HEATR5A: variants seen among roughly 807,000 people sequenced by gnomAD.
The protein encoded by HEATR5A is HEAT repeat containing 5A, also known as HEAT repeat-containing protein 5A.
In HEATR5A, 178 loss-of-function variants were observed where a neutral mutation model predicts 218.8. That is an observed-to-expected ratio of 0.81 (90% CI 0.72 to 0.92). The LOEUF is 0.92. Ranked by LOEUF, HEATR5A falls within the 40% of genes least tolerant of loss-of-function variation. The pLI is 0.00. For missense variants in HEATR5A, 2,420 were observed against 2,418.9 expected, an observed-to-expected ratio of 1.00 and a Z score of -0.01; for synonymous variants, 864 against 871.6, an observed-to-expected ratio of 0.99 and a Z score of 0.15.
rs749302644 is a variant in HEATR5A at position 31,344,068 on chromosome 14, A to G, written c.3059-3T>C. ...GGTAGAAATTGAAGTACTGTTACCT[A>G]AAATAAAAAGCAGAAAGCTTTTAAT... On this transcript the variant is annotated splice_region_variant and splice_polypyrimidine_tract_variant and intron_variant, in intron 20 of 35. Coordinates refer to ENST00000543095, the MANE Select transcript of HEATR5A (RefSeq NM_015473.4). 1.6e-5 allele frequency: 24 copies of G among 1,490,082 alleles called. No homozygotes were observed. The highest frequency in any genetic ancestry group is 2.2e-5 in the Non-Finnish European group (24 of 1,114,236). 92.3% of individuals were successfully genotyped at this position (1,490,082 alleles called of 1,614,324 possible).
intron 19 of HEATR5A, among the ~76,000 whole-genome samples, chr14:31,346,673 A>C (rs1042817166): frequency 2.6e-5 from 4 of 152,246 alleles, no homozygotes; most frequent in African/African-American, 9.6e-5. Context: ...AGAAGCAATA[A>C]GCACTTTGTC....
At chr14:31,311,832 C>T (rs180878280) in intron 28 of HEATR5A, among the ~76,000 whole-genome samples, 35 of 152,252 alleles carry the variant, frequency 2.3e-4, no homozygotes, top group African/African-American at 7.9e-4. Flanking sequence ...ATCAAGATCG[C>T]AAGTGCACAC....
intron 21 of HEATR5A, among the ~76,000 whole-genome samples, chr14:31,341,268 T>A (rs1900830123): frequency 1.3e-5 from 2 of 152,204 alleles, no homozygotes; most frequent in African/African-American, 4.8e-5. Flanking sequence ...AAAAGTCTGA[T>A]AATATAATAA....
chr14:31,381,154 A>C (rs1342371438), intron 10 of HEATR5A, among the ~76,000 whole-genome samples: 1 of 152,182 alleles, frequency 6.6e-6, no homozygotes, highest in Non-Finnish European at 1.5e-5. Context: ...AGGCTGAGGC[A>C]GAAGAATCGC....
intron 32 of HEATR5A, among the ~76,000 whole-genome samples, chr14:31,304,467 G>C (rs554722665): frequency 1.3e-5 from 2 of 151,996 alleles, no homozygotes; most frequent in Non-Finnish European, 2.9e-5. Flanking sequence ...GCCCAGGCTG[G>C]AGTGCAATGG....
intron 22 of HEATR5A, among the ~76,000 whole-genome samples, chr14:31,332,985 C>CA (rs34966796): frequency 2.1e-3 from 276 of 128,428 alleles, no homozygotes; most frequent in Middle Eastern, 8.0e-3. Context: ...GACTCCATCT[C>CA]AAAAAAAAAA....
intron 1 of HEATR5A, among the ~76,000 whole-genome samples, chr14:31,406,693 C>A (rs975657158): frequency 6.6e-6 from 1 of 152,180 alleles, no homozygotes; most frequent in Non-Finnish European, 1.5e-5. Context: ...CCCAGTGGCT[C>A]ACGCTCATAA....
intron 8 of HEATR5A, 71 bp downstream of exon 8, chr14:31,387,049 T>C: frequency 2.1e-6 from 3 of 1,441,166 alleles, no homozygotes; most frequent in Non-Finnish European, 2.9e-6. Flanking sequence ...GTATTATATA[T>C]CAGTCTAGCT....
intron 14 of HEATR5A, among the ~76,000 whole-genome samples, chr14:31,361,811 C>T (rs937157332): frequency 6.6e-6 from 1 of 152,138 alleles, no homozygotes; most frequent in African/African-American, 2.4e-5. Flanking sequence ...TCTAAATCTA[C>T]ATCTGCTGGA....
chr14:31,385,935 C>T (rs2030201678), intron 9 of HEATR5A, among the ~76,000 whole-genome samples: 1 of 152,064 alleles, frequency 6.6e-6, no homozygotes, highest in Admixed American at 6.6e-5. Flanking sequence ...GCCATGTTGG[C>T]CAGGCTGGTC....
intron 16 of HEATR5A, among the ~76,000 whole-genome samples, chr14:31,357,434 G>A (rs1332815029): frequency 1.3e-5 from 2 of 152,188 alleles, no homozygotes; most frequent in South Asian, 2.1e-4. Flanking sequence ...GTTGTTGGTC[G>A]AGAGAGAGGA....
At chr14:31,322,471 C>A (rs1020785670) in intron 24 of HEATR5A, among the ~76,000 whole-genome samples, 5 of 152,144 alleles carry the variant, frequency 3.3e-5, no homozygotes, top group African/African-American at 1.2e-4. Flanking sequence ...GCAACAGCAA[C>A]ATTTTGCTTT....
chr14:31,318,373 ATTAT>A (rs149793070), intron 25 of HEATR5A, 81 bp from the exon 26 acceptor site: 173,866 of 1,109,898 alleles, frequency 0.16, 16,842 homozygotes, highest in East Asian at 0.32. Flanking sequence ...TTATTTTAAA[ATTAT>A]TTATTTATAA....
chr14:31,304,531 C>T (rs1899491889), intron 32 of HEATR5A, among the ~76,000 whole-genome samples: 2 of 152,098 alleles, frequency 1.3e-5, no homozygotes, highest in African/African-American at 4.8e-5. Context: ...GATTCTCCTG[C>T]CTTAGCCTCT....
chr14:31,402,727 G>C (rs1369128530), intron 2 of HEATR5A, 123 bp downstream of exon 2: 2 of 897,854 alleles, frequency 2.2e-6, no homozygotes, highest in Non-Finnish European at 3.2e-6. Context: ...ACTTCATTAA[G>C]TTTTAACAAA....
intron 17 of HEATR5A, among the ~76,000 whole-genome samples, chr14:31,350,343 G>C (rs1901176936): frequency 6.6e-6 from 1 of 152,122 alleles, no homozygotes; most frequent in Non-Finnish European, 1.5e-5. Flanking sequence ...TGGTCCACAG[G>C]CCATAGTCTA....
chr14:31,371,155 G>A (rs1232753068), intron 13 of HEATR5A, among the ~76,000 whole-genome samples: 6 of 152,176 alleles, frequency 3.9e-5, no homozygotes, highest in Non-Finnish European at 7.3e-5. Flanking sequence ...TACGATGAGA[G>A]AGTTGAGTAG....
intron 10 of HEATR5A, 96 bp from the exon 11 acceptor site, chr14:31,380,674 A>G: frequency 4.0e-6 from 3 of 751,014 alleles, no homozygotes; most frequent in Admixed American, 2.4e-5. Flanking sequence ...TAATTCTTAC[A>G]TAAAATAAAT....
chr14:31,354,145 C>G (rs1901337147), intron 16 of HEATR5A, among the ~76,000 whole-genome samples: 1 of 151,610 alleles, frequency 6.6e-6, no homozygotes, highest in African/African-American at 2.4e-5. Flanking sequence ...AAGCAACCTA[C>G]AGGAAGATTA....
Sources: allele counts gnomAD v4.1 joint callset (sites outside exome capture counted in the v4.1 genomes callset), GRCh38; gene constraint gnomAD v4.1.1; transcripts MANE v1.5; gene names NCBI Gene and HGNC (gene_info 2026-07-23, HGNC 2026-07-21).